Variants in NFIC observed in about 807,000 individuals in gnomAD.
NFIC encodes nuclear factor I C, also known as nuclear factor 1 C-type.
Under a neutral mutation model 54.4 loss-of-function variants are expected in NFIC, and 12 were observed. That is an observed-to-expected ratio of 0.22 (90% CI 0.14 to 0.36). The LOEUF (loss-of-function observed/expected upper bound fraction) is 0.36, where lower values mean the gene tolerates loss of function less well. NFIC is among the 10% of genes least tolerant of loss of function. The pLI is 1.00. For synonymous variants in NFIC, 322 were observed against 319.2 expected (o/e 1.01, Z -0.09); for missense variants, 575 against 718.2 (o/e 0.80, Z 2.28).
chr19:3,418,577 C>A (rs934493989), intron 2 of NFIC, among the ~76,000 whole-genome samples: 1 of 152,082 alleles, frequency 6.6e-6, no homozygotes, highest in African/African-American at 2.4e-5. Flanking sequence ...GCTGGCCGGG[C>A]GTGGTGGCTC....
At chr19:3,437,390 C>T (rs1198151088) in intron 6 of NFIC, among the ~76,000 whole-genome samples, 3 of 151,068 alleles carry the variant, frequency 2.0e-5, no homozygotes, top group Non-Finnish European at 4.4e-5. Context: ...AAATTCCTGT[C>T]TCTTTCCGGC....
chr19:3,366,303 C>T (rs1339137636), upstream of NFIC, among the ~76,000 whole-genome samples: 1 of 148,694 alleles, frequency 6.7e-6, no homozygotes, highest in Admixed American at 6.7e-5. Context: ...CCTTTTTTCC[C>T]TCGTTTCTTT....
At chr19:3,455,234 G>T (rs2082533139) in intron 9 of NFIC, among the ~76,000 whole-genome samples, 1 of 152,242 alleles carries the variant, frequency 6.6e-6, no homozygotes, top group Non-Finnish European at 1.5e-5. Context: ...GGCTCAGTGG[G>T]ATCATGCCCA....
At chr19:3,361,847 TAC>T (rs57358755), upstream of NFIC, among the ~76,000 whole-genome samples, 4 of 150,782 alleles carry the variant, frequency 2.7e-5, no homozygotes, top group African/African-American at 7.3e-5. Context: ...CAGTCATAGT[TAC>T]ACACACACAC....
At position 3,453,734 on chromosome 19, in the gene NFIC, C is replaced by T; in HGVS notation, c.1270-29C>T. 6.3e-6 allele frequency: 10 copies of T among 1,588,468 alleles called. No homozygotes were observed. Among genetic ancestry groups the T allele is most frequent in the Non-Finnish European group, 8.5e-6 (10 of 1,169,886 alleles). ...CCCGAGGTAGAGGGGGAGCCCACCC[C>T]TTAACCACGTGTCTCTCTGTTCCCC... On this transcript the variant is annotated intron_variant, in intron 8 of 10. Coordinates refer to ENST00000443272, the MANE Select transcript of NFIC (RefSeq NM_001245002.2). The surrounding 1 kb of genome is among the most constrained non-coding windows in gnomAD (Gnocchi z 6.7).
chr19:3,439,816 A>G (rs1001245903), intron 6 of NFIC, among the ~76,000 whole-genome samples: 13 of 150,480 alleles, frequency 8.6e-5, no homozygotes, highest in South Asian at 2.1e-4. Flanking sequence ...AGCCTCCCGA[A>G]TAGCTGGGAC....
In NFIC at chr19:3,369,100, A is replaced by G. The variant is rs2080951097; in HGVS notation, c.30+2434A>G. ...TCTGTCTCTTCATGTCTATCTCACC[A>G]TCCCTTTCTCCTCTTTGTCTCTGCA... On this transcript the variant is annotated intron_variant, in intron 1 of 10. Coordinates refer to ENST00000443272, the MANE Select transcript of NFIC (RefSeq NM_001245002.2). This position sits in a 1 kb window ranked among gnomAD's most constrained non-coding sequence, Gnocchi z 4.3. Among the ~76,000 whole-genome samples, 1 of 148,904 alleles carries G rather than the reference A, an allele frequency of 6.7e-6. No individual in the cohort carries two copies. Among genetic ancestry groups the G allele is most frequent in the Non-Finnish European group, 1.5e-5 (1 of 67,260 alleles).
chr19:3,406,002 C>T (rs1443713685), intron 2 of NFIC, among the ~76,000 whole-genome samples: 1 of 152,120 alleles, frequency 6.6e-6, no homozygotes, highest in Non-Finnish European at 1.5e-5. Flanking sequence ...CTTACTGTAG[C>T]CTCAACCTTC....
intron 2 of NFIC, among the ~76,000 whole-genome samples, chr19:3,383,918 C>T (rs2081251999): frequency 1.3e-5 from 2 of 152,184 alleles, no homozygotes; most frequent in African/African-American, 4.8e-5. Flanking sequence ...TTTTCTGTGC[C>T]TCAGTTTCCT....
chr19:3,391,187 C>A (rs1358875331), intron 2 of NFIC, among the ~76,000 whole-genome samples: 1 of 151,794 alleles, frequency 6.6e-6, no homozygotes, highest in African/African-American at 2.4e-5. Context: ...GAGTTTGAGG[C>A]TGCAATGAGC....
intron 3 of NFIC, among the ~76,000 whole-genome samples, chr19:3,427,396 T>C (rs924567497): frequency 5.3e-5 from 8 of 152,176 alleles, no homozygotes; most frequent in African/African-American, 1.9e-4. Context: ...TGTTGTGCCC[T>C]CAGGGCTTAG....
chr19:3,434,417 C>T lies in NFIC; in HGVS notation c.833+17C>T. The T allele has an allele frequency of 1.3e-6, 2 of 1,584,982 alleles. No homozygotes were observed. The highest frequency in any genetic ancestry group is 2.3e-5 in the East Asian group (1 of 44,314). On this transcript the variant is annotated intron_variant, in intron 5 of 10. Coordinates refer to ENST00000443272, the MANE Select transcript of NFIC (RefSeq NM_001245002.2). ...CTCCAGTGGGTAAGTACCCAGGTCC[C>T]CACCTCTGGGCATTTCATGACCCCA...
At chr19:3,399,876 A>G (rs1392880016) in intron 2 of NFIC, among the ~76,000 whole-genome samples, 1 of 151,702 alleles carries the variant, frequency 6.6e-6, no homozygotes, top group Admixed American at 6.6e-5. Context: ...ATCTCAAAAA[A>G]TAAATAAGTA....
intron 1 of NFIC, among the ~76,000 whole-genome samples, chr19:3,374,897 C>T (rs1257993173): frequency 6.6e-6 from 1 of 152,140 alleles, no homozygotes; most frequent in East Asian, 1.9e-4. Flanking sequence ...GGTCCATGAC[C>T]CAGTTACAAG....
chr19:3,463,174 C>G lies in NFIC; in HGVS notation c.*405C>G, dbSNP rs1599737464. On this transcript the variant is annotated 3_prime_UTR_variant, in exon 11 of 11. Coordinates refer to ENST00000443272, the MANE Select transcript of NFIC (RefSeq NM_001245002.2). Reference sequence around the variant, plus strand: ...AGACGCCGGCCGCCCGCCCGCGCCCCGGAGGCCCTGGCTCTGTCCGGAGAC... The same window carrying G: ...AGACGCCGGCCGCCCGCCCGCGCCCGGGAGGCCCTGGCTCTGTCCGGAGAC... The G allele has an allele frequency of 9.3e-7, 1 of 1,070,006 alleles. No individual in the cohort carries two copies. Among genetic ancestry groups the G allele is most frequent in the African/African-American group, 1.7e-5 (1 of 58,726 alleles). The allele number at this position is 1,070,006 out of a possible 1,614,324, so 66.3% of individuals were successfully genotyped here.
At chr19:3,360,150 T>TGCCCCGGCCCGGGCGAGCGCGGCGC (rs1413288257) in intron 1 of NFIC, among the ~76,000 whole-genome samples, 148 of 144,138 alleles carry the variant, frequency 1.0e-3, no homozygotes, top group Non-Finnish European at 1.9e-3. Flanking sequence ...CCCCGCGGGG[T>TGCCCCGGCCCGGGCGAGCGCGGCGC]GCCCCGGCCC....
At chr19:3,400,525 G>T (rs184913129) in intron 2 of NFIC, among the ~76,000 whole-genome samples, 1 of 151,894 alleles carries the variant, frequency 6.6e-6, no homozygotes, top group Non-Finnish European at 1.5e-5. Flanking sequence ...TGGTTCAGGC[G>T]ATGGGCAAAG....
At position 3,458,860 on chromosome 19, in the gene NFIC, AG is replaced by A. The variant is rs1196125044; in HGVS notation, c.1509+2227del. On this transcript the variant is annotated intron_variant, in intron 10 of 10. Coordinates refer to ENST00000443272, the MANE Select transcript of NFIC (RefSeq NM_001245002.2). The surrounding 1 kb of genome is among the most constrained non-coding windows in gnomAD (Gnocchi z 4.1). ...AGAAAGGAGGTGACACATTGTCAAG[AG>A]GCTCTCAGGGGAGCATGGGTTAGGG... is the stretch of plus-strand genomic sequence containing the variant. Among the ~76,000 whole-genome samples the A allele has an allele frequency of 2.0e-5, 3 of 151,984 alleles. No individual in the cohort carries two copies. The highest frequency in any genetic ancestry group is 4.4e-5 in the Non-Finnish European group (3 of 67,986).
intron 6 of NFIC, among the ~76,000 whole-genome samples, chr19:3,447,298 C>CAAA (rs1178839836): frequency 6.8e-4 from 53 of 78,068 alleles, no homozygotes; most frequent in African/African-American, 2.5e-3. Context: ...GACTCTATCT[C>CAAA]AAAAAAAAAA....
Sources: allele counts gnomAD v4.1 joint callset (sites outside exome capture counted in the v4.1 genomes callset), GRCh38; gene constraint gnomAD v4.1.1; non-coding constraint Gnocchi (gnomAD v3.1); transcripts MANE v1.5; gene names NCBI Gene and HGNC (gene_info 2026-07-23, HGNC 2026-07-21).